The following SOX13 variants were observed in gnomAD, a reference collection of about 807,000 sequenced individuals.
SOX13 encodes the protein SRY-box transcription factor 13.
A neutral mutation model predicts 71.8 loss-of-function variants in SOX13; 28 were observed. The ratio of observed to expected loss-of-function variants is 0.39; its 90% CI spans 0.29 to 0.53. The LOEUF (loss-of-function observed/expected upper bound fraction) is 0.53, where lower values mean the gene tolerates loss of function less well. Ranked by LOEUF, SOX13 falls within the 20% of genes least tolerant of loss-of-function variation. The pLI is 0.70. For synonymous variants in SOX13, 309 were observed against 317.8 expected (o/e 0.97, Z 0.29); for missense variants, 627 against 810.3 (o/e 0.77, Z 2.75).
rs529973182 is a variant in SOX13, at chr1:204,117,172, C to T, written c.642C>T (p.Leu214=). Residue 214 remains leucine (L), a synonymous_variant, in exon 6 of 14, where the codon CTC becomes CTT. Coordinates refer to ENST00000367204, the MANE Select transcript of SOX13 (RefSeq NM_005686.3). ...TTCAGCAGCAGCATAAGATCAACCTCCTTCAGCAGCAGATCCAGGTAACCG... is the reference window on the plus strand; with the variant it reads ...TTCAGCAGCAGCATAAGATCAACCTTCTTCAGCAGCAGATCCAGGTAACCG... ...QLIQQQHKIN[L]LQQQIQQVNM... is the part of the protein sequence containing the mutation. The T allele has an allele frequency of 6.0e-5, 97 of 1,613,988 alleles. No individual in the cohort carries two copies. The East Asian group carries it at 1.3e-3, about 22-fold the overall frequency.
At chr1:204,094,739 G>C (rs1231082134) in intron 1 of SOX13, among the ~76,000 whole-genome samples, 1 of 152,202 alleles carries the variant, frequency 6.6e-6, no homozygotes, top group Non-Finnish European at 1.5e-5. Flanking sequence ...TGTAGACACA[G>C]CAAACCCTGT....
rs1246333727 is a variant in SOX13 at position 204,081,274 on chromosome 1, C to CGA, written c.-2+7563_-2+7564insGA. ...ATTCGTTTTCTTATTTCTGTAGTCT[C>CGA]TAAGAGTAATACAACAATGTGTATC... On this transcript the variant is annotated intron_variant, in intron 1 of 13. Coordinates refer to ENST00000367204, the MANE Select transcript of SOX13 (RefSeq NM_005686.3). This position sits in a 1 kb window ranked among gnomAD's most constrained non-coding sequence, Gnocchi z 4.3. Among the ~76,000 whole-genome samples the CGA allele has an allele frequency of 6.6e-6, 1 of 152,124 alleles. No homozygotes were observed. The highest frequency in any genetic ancestry group is 2.4e-5 in the African/African-American group (1 of 41,416).
chr1:204,116,105 G>A (rs768090757), intron 4 of SOX13: 99 of 1,139,292 alleles, frequency 8.7e-5, no homozygotes, highest in Non-Finnish European at 1.0e-4. Context: ...GTTGAAATGG[G>A]AATTTGACCC....
At chr1:204,098,035 A>AT (rs1656288867) in intron 1 of SOX13, among the ~76,000 whole-genome samples, 2 of 151,836 alleles carry the variant, frequency 1.3e-5, no homozygotes, top group Non-Finnish European at 1.5e-5. Context: ...ATTTTTTCAT[A>AT]TTTTTTGTGG....
At chr1:204,103,257 G>A (rs1377528061) in intron 1 of SOX13, among the ~76,000 whole-genome samples, 1 of 152,236 alleles carries the variant, frequency 6.6e-6, no homozygotes, top group African/African-American at 2.4e-5. Context: ...CCTTGGCTAT[G>A]ACTCAAGTCA....
At chr1:204,078,530 G>A (rs1655829803) in intron 1 of SOX13, among the ~76,000 whole-genome samples, 1 of 152,182 alleles carries the variant, frequency 6.6e-6, no homozygotes, top group African/African-American at 2.4e-5. Flanking sequence ...AGTTATTTTT[G>A]TGCCCAGTGT....
Position 204,126,472 on chromosome 1 carries a change from T to C in SOX13, c.*338T>C. On this transcript the variant is annotated 3_prime_UTR_variant, in exon 14 of 14. Coordinates refer to ENST00000367204, the MANE Select transcript of SOX13 (RefSeq NM_005686.3). ...TATGGCATCTACCGACCTGTCTCCC[T>C]GGGGTCACATGCTTTGTTTCCATTC... is the stretch of plus-strand genomic sequence containing the variant. 1 of 313,716 alleles carries C rather than the reference T, an allele frequency of 3.2e-6. No homozygotes were observed. Among genetic ancestry groups the C allele is most frequent in the Non-Finnish European group, 6.0e-6 (1 of 166,350 alleles). The allele number at this position is 313,716 out of a possible 1,614,324, so 19.4% of individuals were successfully genotyped here. A position where few individuals can be genotyped will look rare whatever the true frequency, so the allele number is the denominator to read the frequency against.
At position 204,113,131 on chromosome 1, in the gene SOX13, C is replaced by G; in HGVS notation, c.216C>G (p.Ser72=). ...QAPAQGNFRG[S]WDCSSPEGNG... ...CAGCCCAGGGGAATTTCAGGGGCTC[C>G]TGGGTCAGTGTCCCCGCCCTGCCTC... The change falls in exon 2 of 14, where the codon TCC becomes TCG. Residue 72 remains serine (S), a synonymous_variant. Coordinates refer to ENST00000367204, the MANE Select transcript of SOX13 (RefSeq NM_005686.3). The G allele has an allele frequency of 6.5e-7, 1 of 1,547,246 alleles. No homozygotes were observed. Among genetic ancestry groups the G allele is most frequent in the Non-Finnish European group, 8.7e-7 (1 of 1,145,832 alleles).
intron 1 of SOX13, among the ~76,000 whole-genome samples, chr1:204,109,555 T>G (rs1352454736): frequency 6.6e-6 from 1 of 152,240 alleles, no homozygotes; most frequent in Non-Finnish European, 1.5e-5. Context: ...TGTAGTAGGC[T>G]GTACCATCTA....
At chr1:204,100,493 G>A (rs1656338593) in intron 1 of SOX13, among the ~76,000 whole-genome samples, 1 of 152,132 alleles carries the variant, frequency 6.6e-6, no homozygotes, top group Admixed American at 6.5e-5. Flanking sequence ...ATTGTTTGAT[G>A]AGCATTATAG....
At chr1:204,116,387 C>G (rs761745377) in intron 4 of SOX13, 120 bp from the exon 5 acceptor site, 1 of 1,591,100 alleles carries the variant, frequency 6.3e-7, no homozygotes, top group Non-Finnish European at 8.6e-7. Flanking sequence ...GGCTCAGCCC[C>G]TAATGGTCCT....
rs767369645 is a variant in SOX13 at position 204,081,386 on chromosome 1, C to T, written c.-2+7675C>T. ...GAAATGTCATCAGTGTTTGTTTCCA[C>T]GGAAGACCAAGAGGAGTCACGGTTT... On this transcript the variant is annotated intron_variant, in intron 1 of 13. Coordinates refer to ENST00000367204, the MANE Select transcript of SOX13 (RefSeq NM_005686.3). This position sits in a 1 kb window ranked among gnomAD's most constrained non-coding sequence, Gnocchi z 4.3. 5.9e-5 allele frequency among the ~76,000 whole-genome samples: 9 copies of T among 152,330 alleles called. No individual in the cohort carries two copies. Among genetic ancestry groups the T allele is most frequent in the South Asian group, 4.1e-4 (2 of 4,828 alleles).
chr1:204,079,032 C>T (rs1206032956), intron 1 of SOX13, among the ~76,000 whole-genome samples: 2 of 152,182 alleles, frequency 1.3e-5, no homozygotes, highest in East Asian at 3.9e-4. Context: ...GGCACGGTGG[C>T]TCACGCCTGT....
chr1:204,116,366 A>G (rs956750687), intron 4 of SOX13, 141 bp from the exon 5 acceptor site: 1 of 1,566,966 alleles, frequency 6.4e-7, no homozygotes. Context: ...ATCTTGTGTC[A>G]TCATCTCTGT....
At chr1:204,101,501 A>G in intron 1 of SOX13, among the ~76,000 whole-genome samples, 1 of 109,092 alleles carries the variant, frequency 9.2e-6, no homozygotes, top group Non-Finnish European at 1.8e-5. Context: ...TTCCCTCTTT[A>G]TTTAAAAAAA....
At chr1:204,087,135 G>A (rs1656039694) in intron 1 of SOX13, among the ~76,000 whole-genome samples, 1 of 152,150 alleles carries the variant, frequency 6.6e-6, no homozygotes, top group Non-Finnish European at 1.5e-5. Context: ...TGTTAGCCAG[G>A]ATGGTCTCGA....
chr1:204,117,326 G>T, intron 6 of SOX13, 136 bp downstream of exon 6: 1 of 792,224 alleles, frequency 1.3e-6, no homozygotes, highest in Admixed American at 2.1e-5. Flanking sequence ...ACCTGAGGAG[G>T]GTTATTTCTA....
intron 1 of SOX13, among the ~76,000 whole-genome samples, chr1:204,101,504 T>TAA (rs781502804): frequency 3.0e-5 from 4 of 134,594 alleles, no homozygotes; most frequent in Admixed American, 7.7e-5. Flanking sequence ...CCTCTTTATT[T>TAA]AAAAAAAAAA....
intron 1 of SOX13, among the ~76,000 whole-genome samples, chr1:204,102,717 G>A (rs762629762): frequency 1.3e-5 from 2 of 151,466 alleles, no homozygotes. Flanking sequence ...GGTGGGTCAG[G>A]GAGCAAACAT....
Sources: allele counts gnomAD v4.1 joint callset (sites outside exome capture counted in the v4.1 genomes callset), GRCh38; gene constraint gnomAD v4.1.1; non-coding constraint Gnocchi (gnomAD v3.1); transcripts MANE v1.5; gene names NCBI Gene and HGNC (gene_info 2026-07-23, HGNC 2026-07-21).